Variants in KCND2 observed in about 807,000 individuals in gnomAD.
KCND2 encodes potassium voltage-gated channel subfamily D member 2.
Under a neutral mutation model 54.4 loss-of-function variants are expected in KCND2, and 16 were observed. The ratio of observed to expected loss-of-function variants is 0.29; its 90% CI spans 0.20 to 0.45. The LOEUF (loss-of-function observed/expected upper bound fraction) is 0.45. KCND2 is among the 20% of genes least tolerant of loss of function. KCND2 has a pLI of 1.00. For synonymous variants in KCND2, 317 were observed against 310.7 expected, an observed-to-expected ratio of 1.02 and a Z score of -0.21; for missense variants, 486 against 824.2, an observed-to-expected ratio of 0.59 and a Z score of 5.02.
At chr7:120,575,674 G>A (rs1792423030) in intron 1 of KCND2, among the ~76,000 whole-genome samples, 1 of 152,146 alleles carries the variant, frequency 6.6e-6, no homozygotes, top group Non-Finnish European at 1.5e-5. Flanking sequence ...CTGGCTATAT[G>A]ATGCTCAGAA....
Position 120,700,706 on chromosome 7 carries a change from C to T in KCND2, c.1116-32197C>T, listed in dbSNP as rs1426213371. Among the ~76,000 whole-genome samples, 4 of 152,142 alleles carry T rather than the reference C, an allele frequency of 2.6e-5. No homozygotes were observed. The East Asian group carries it at 7.7e-4, about 29-fold the overall frequency. On this transcript the variant is annotated intron_variant, in intron 1 of 5. Coordinates refer to ENST00000331113, the MANE Select transcript of KCND2 (RefSeq NM_012281.3). The stretch of plus-strand genomic sequence containing the variant: ...AATGTTGAAATCAATTCTTTCAGTT[C>T]TCTAGGTGTAGTACAAGCTGTTTTT...
At chr7:120,488,893 A>G (rs2116295372) in intron 1 of KCND2, among the ~76,000 whole-genome samples, 1 of 152,226 alleles carries the variant, frequency 6.6e-6, no homozygotes, top group East Asian at 1.9e-4. Context: ...TAGACTTTTG[A>G]AAAAATAAAC....
chr7:120,422,028 C>T (rs1408637944), intron 1 of KCND2, among the ~76,000 whole-genome samples: 1 of 152,166 alleles, frequency 6.6e-6, no homozygotes, highest in Non-Finnish European at 1.5e-5. Context: ...CTTACAAAAT[C>T]TTTAGGAAAA....
At chr7:120,335,780 C>T (rs539116745) in intron 1 of KCND2, among the ~76,000 whole-genome samples, 7 of 152,112 alleles carry the variant, frequency 4.6e-5, no homozygotes, top group East Asian at 1.9e-4. Context: ...CCACCGCGCC[C>T]GGCTGGCTTT....
At chr7:120,649,228 A>G (rs1203177603) in intron 1 of KCND2, among the ~76,000 whole-genome samples, 1 of 151,430 alleles carries the variant, frequency 6.6e-6, no homozygotes, top group South Asian at 2.1e-4. Flanking sequence ...ATTTCAGTCT[A>G]TGTTATTATC....
At chr7:120,448,110 A>G (rs1287505300) in intron 1 of KCND2, among the ~76,000 whole-genome samples, 3 of 152,188 alleles carry the variant, frequency 2.0e-5, no homozygotes, top group Non-Finnish European at 2.9e-5. Context: ...TACATGTGCC[A>G]TGTTGGTGTG....
chr7:120,314,604 G>A (rs970354943), intron 1 of KCND2, among the ~76,000 whole-genome samples: 1 of 152,062 alleles, frequency 6.6e-6, no homozygotes, highest in Non-Finnish European at 1.5e-5. Flanking sequence ...GGCTTAACTG[G>A]TCATTCATAC....
At chr7:120,676,038 ATTT>A (rs1562906005) in intron 1 of KCND2, among the ~76,000 whole-genome samples, 6 of 151,930 alleles carry the variant, frequency 3.9e-5, no homozygotes, top group African/African-American at 1.4e-4. Flanking sequence ...AGGTTTGGCC[ATTT>A]TGGCCAAGCT....
chr7:120,629,757 T>C (rs1236386496), intron 1 of KCND2, among the ~76,000 whole-genome samples: 2 of 152,070 alleles, frequency 1.3e-5, no homozygotes, highest in Admixed American at 1.3e-4. Flanking sequence ...CTGGATATAT[T>C]TGGAGGCTAC....
At chr7:120,552,276 G>A (rs1211570969) in intron 1 of KCND2, among the ~76,000 whole-genome samples, 2 of 152,168 alleles carry the variant, frequency 1.3e-5, no homozygotes, top group African/African-American at 2.4e-5. Flanking sequence ...ATGTGAAAGA[G>A]TAACTAATAG....
intron 1 of KCND2, among the ~76,000 whole-genome samples, chr7:120,611,906 A>G (rs1792961034): frequency 6.6e-6 from 1 of 152,006 alleles, no homozygotes; most frequent in Admixed American, 6.6e-5. Context: ...TGGTGTTTAG[A>G]CTCCACGGGT....
intron 1 of KCND2, among the ~76,000 whole-genome samples, chr7:120,561,215 G>T (rs1178841335): frequency 6.6e-6 from 1 of 152,084 alleles, no homozygotes; most frequent in Non-Finnish European, 1.5e-5. Flanking sequence ...TCTGCATTCA[G>T]CACTGCAAAT....
intron 1 of KCND2, among the ~76,000 whole-genome samples, chr7:120,608,617 G>A (rs1408267152): frequency 7.9e-5 from 12 of 152,090 alleles, no homozygotes; most frequent in Admixed American, 5.9e-4. Flanking sequence ...TTCCTCTGAC[G>A]TCCCACTTTA....
At chr7:120,644,311 G>A (rs1793411812) in intron 1 of KCND2, among the ~76,000 whole-genome samples, 1 of 152,144 alleles carries the variant, frequency 6.6e-6, no homozygotes, top group Admixed American at 6.6e-5. Flanking sequence ...CTAGAACTCA[G>A]CTCCATTTCC....
In KCND2 at chr7:120,316,508, G is replaced by T. The variant is rs575110997; in HGVS notation, c.1115+40761G>T. On this transcript the variant is annotated intron_variant, in intron 1 of 5. Coordinates refer to ENST00000331113, the MANE Select transcript of KCND2 (RefSeq NM_012281.3). ...ACTTTTGAAGCTTTCAGCATCACAC[G>T]TGTAGGAAGTTACTGTTTCTATGTG... Among the ~76,000 whole-genome samples, 9 of 152,260 alleles carry T rather than the reference G, an allele frequency of 5.9e-5. No individual in the cohort carries two copies. The South Asian group carries it at 1.7e-3, about 28-fold the overall frequency.
At chr7:120,722,258 C>T (rs1792676190) in intron 1 of KCND2, among the ~76,000 whole-genome samples, 1 of 152,142 alleles carries the variant, frequency 6.6e-6, no homozygotes, top group Admixed American at 6.5e-5. Context: ...GAACCCAGGC[C>T]CTACCTGGAG....
At chr7:120,411,838 A>G (rs560866674) in intron 1 of KCND2, among the ~76,000 whole-genome samples, 6 of 151,942 alleles carry the variant, frequency 3.9e-5, no homozygotes, top group Non-Finnish European at 1.5e-5. Context: ...ATCAGTGCCT[A>G]GGCCTTGTGA....
chr7:120,413,031 T>C (rs1801473749), intron 1 of KCND2, among the ~76,000 whole-genome samples: 1 of 152,104 alleles, frequency 6.6e-6, no homozygotes, highest in African/African-American at 2.4e-5. Flanking sequence ...AATGTGGCAG[T>C]TGCTTGCAGT....
At chr7:120,319,846 T>C (rs1799868212) in intron 1 of KCND2, among the ~76,000 whole-genome samples, 1 of 152,100 alleles carries the variant, frequency 6.6e-6, no homozygotes, top group South Asian at 2.1e-4. Context: ...TTTTATGTTT[T>C]TAATCTATAT....
Sources: gnomAD v4.1 joint callset for allele counts (sites outside exome capture counted in the v4.1 genomes callset) on GRCh38, gnomAD v4.1.1 for gene constraint, MANE v1.5 for transcripts, NCBI Gene and HGNC (gene_info 2026-07-23, HGNC 2026-07-21) for gene names.